The following LGSN variants were observed in gnomAD, a reference collection of about 807,000 sequenced individuals.
The protein encoded by LGSN is lengsin, lens protein with glutamine synthetase domain, also known as lengsin.
A neutral mutation model predicts 19.5 loss-of-function variants in LGSN; 21 were observed. The ratio of observed to expected loss-of-function variants is 1.07; its 90% CI spans 0.76 to 1.55. The LOEUF is 1.55. Among genes scored for constraint, LGSN ranks in the 40% most tolerant of loss-of-function variants. LGSN has a pLI of 0.00. For synonymous variants in LGSN, 257 were observed against 215.6 expected (o/e 1.19, Z -1.68); for missense variants, 673 against 608.5 (o/e 1.11, Z -1.12).
the LGSN span, among the ~76,000 whole-genome samples, chr6:63,340,160 T>C: frequency 6.6e-6 from 1 of 152,132 alleles, no homozygotes; most frequent in African/African-American, 2.4e-5. Flanking sequence ...AGAATTCCCT[T>C]ATGTGTGACT....
chr6:63,415,018 C>T, the LGSN span, among the ~76,000 whole-genome samples: 1 of 152,028 alleles, frequency 6.6e-6, no homozygotes, highest in African/African-American at 2.4e-5. Flanking sequence ...CATTTTCATA[C>T]TGCTATAAAG....
chr6:63,471,129 T>G, the LGSN span, among the ~76,000 whole-genome samples: 2 of 150,038 alleles, frequency 1.3e-5, no homozygotes, highest in Non-Finnish European at 3.0e-5. Context: ...TTTTTTTTTT[T>G]GGTTGTTTTT....
the LGSN span, among the ~76,000 whole-genome samples, chr6:63,444,360 T>C: frequency 6.6e-6 from 1 of 152,224 alleles, no homozygotes; most frequent in African/African-American, 2.4e-5. Context: ...ACATTAATGA[T>C]GTAGACAGTG....
the LGSN span, chr6:63,441,866 C>A: frequency 3.5e-6 from 1 of 285,488 alleles, no homozygotes; most frequent in Non-Finnish European, 6.8e-6. Context: ...GGTGACACAG[C>A]TACAGCAGCT....
the LGSN span, among the ~76,000 whole-genome samples, chr6:63,511,458 G>A: frequency 6.6e-6 from 1 of 151,848 alleles, no homozygotes; most frequent in African/African-American, 2.4e-5. Context: ...GTTTCACCAT[G>A]CTGGTTAGGC....
the LGSN span, among the ~76,000 whole-genome samples, chr6:63,351,369 ATC>A: frequency 3.9e-5 from 6 of 151,974 alleles, no homozygotes; most frequent in African/African-American, 1.5e-4. Context: ...CTTTATAAAT[ATC>A]TCTGTGTGTG....
At chr6:63,544,917 C>T in the LGSN span, among the ~76,000 whole-genome samples, 22 of 152,068 alleles carry the variant, frequency 1.4e-4, no homozygotes, top group African/African-American at 4.8e-4. Flanking sequence ...TTAATGTCTC[C>T]GAAGAGATAC....
At chr6:63,564,411 A>G in the LGSN span, among the ~76,000 whole-genome samples, 1 of 152,228 alleles carries the variant, frequency 6.6e-6, no homozygotes. Flanking sequence ...CTAGTTAAAA[A>G]GCAACTGTGT....
the LGSN span, chr6:63,441,962 C>T: frequency 5.4e-5 from 11 of 205,030 alleles, no homozygotes; most frequent in Non-Finnish European, 8.7e-5. Context: ...TGTTACAGTT[C>T]TTAAAGATGG....
At chr6:63,287,666 C>A (rs1269990459) in intron 2 of LGSN, among the ~76,000 whole-genome samples, 1 of 151,950 alleles carries the variant, frequency 6.6e-6, no homozygotes, top group Non-Finnish European at 1.5e-5. Context: ...AAAGATCGCG[C>A]CACTGCACTC....
intron 1 of LGSN, among the ~76,000 whole-genome samples, chr6:63,303,488 T>G (rs770967007): frequency 5.3e-5 from 8 of 152,230 alleles, no homozygotes; most frequent in Admixed American, 1.3e-4. Context: ...GACTGAATTG[T>G]CTTGGTCAAA....
chr6:63,566,990 CTCAT>C, the LGSN span, among the ~76,000 whole-genome samples: 1 of 152,222 alleles, frequency 6.6e-6, no homozygotes, highest in African/African-American at 2.4e-5. Context: ...GAAGCAACTC[CTCAT>C]TCATTCAAGT....
At chr6:63,401,953 C>T in the LGSN span, among the ~76,000 whole-genome samples, 8 of 152,306 alleles carry the variant, frequency 5.3e-5, no homozygotes, top group African/African-American at 1.7e-4. Flanking sequence ...CTCCCAGTGA[C>T]GAGCAACTGT....
At chr6:63,545,864 G>GA in the LGSN span, among the ~76,000 whole-genome samples, 3 of 150,588 alleles carry the variant, frequency 2.0e-5, no homozygotes, top group Non-Finnish European at 3.0e-5. Flanking sequence ...TAAGAAGAAA[G>GA]AAAAAAAAGA....
chr6:63,500,270 A>AAAAAAAG, the LGSN span, among the ~76,000 whole-genome samples: 2 of 152,186 alleles, frequency 1.3e-5, no homozygotes, highest in African/African-American at 2.4e-5. Flanking sequence ...ATAATGGAAA[A>AAAAAAAG]AAAAAAGATT....
the LGSN span, among the ~76,000 whole-genome samples, chr6:63,499,912 G>T: frequency 1.3e-5 from 2 of 151,184 alleles, no homozygotes; most frequent in Non-Finnish European, 2.9e-5. Context: ...GCAACCATAT[G>T]TCAAATTCCC....
At chr6:63,538,340 A>G in the LGSN span, among the ~76,000 whole-genome samples, 1 of 152,256 alleles carries the variant, frequency 6.6e-6, no homozygotes, top group East Asian at 1.9e-4. Context: ...ACATTGTTAC[A>G]GGGATTTCCA....
the LGSN span, among the ~76,000 whole-genome samples, chr6:63,559,448 T>TA: frequency 6.6e-6 from 1 of 152,104 alleles, no homozygotes; most frequent in Admixed American, 6.6e-5. Flanking sequence ...TCATTTGGTT[T>TA]AAAAAATGAA....
the LGSN span, among the ~76,000 whole-genome samples, chr6:63,473,413 G>A: frequency 7.0e-6 from 1 of 142,060 alleles, no homozygotes; most frequent in African/African-American, 2.6e-5. Flanking sequence ...GGCAGAGGTT[G>A]CAGTGAGCCG....
Sources: gnomAD v4.1 joint callset for allele counts (sites outside exome capture counted in the v4.1 genomes callset) on GRCh38, gnomAD v4.1.1 for gene constraint, MANE v1.5 for transcripts, NCBI Gene and HGNC (gene_info 2026-07-23, HGNC 2026-07-21) for gene names.